SHISA9: variants seen among roughly 807,000 people sequenced by gnomAD.
SHISA9 encodes protein shisa-9.
A neutral mutation model predicts 38.0 loss-of-function variants in SHISA9; 13 were observed. The ratio of observed to expected loss-of-function variants is 0.34; its 90% confidence interval spans 0.22 to 0.54. The LOEUF (loss-of-function observed/expected upper bound fraction) is 0.54. Among genes scored for constraint, SHISA9 ranks in the 20% least tolerant of loss-of-function variants. The pLI is 0.91. For synonymous variants in SHISA9, 275 were observed against 242.0 expected (o/e 1.14, Z -1.27); for missense variants, 538 against 575.8 (o/e 0.93, Z 0.67).
At chr16:12,953,389 C>G (rs531321985) in intron 2 of SHISA9, among the ~76,000 whole-genome samples, 247 of 152,230 alleles carry the variant, frequency 1.6e-3, no homozygotes, top group African/African-American at 5.7e-3. Context: ...AGATGAGAAC[C>G]TGAGGCACAG....
intron 2 of SHISA9, among the ~76,000 whole-genome samples, chr16:13,176,882 C>A (rs1436693082): frequency 6.6e-6 from 1 of 152,098 alleles, no homozygotes; most frequent in Non-Finnish European, 1.5e-5. Context: ...AATGTTGAGA[C>A]AATAATGAAG....
intron 2 of SHISA9, among the ~76,000 whole-genome samples, chr16:13,200,745 GT>G (rs1475043169): frequency 7.4e-6 from 1 of 135,318 alleles, no homozygotes; most frequent in Non-Finnish European, 1.6e-5. Flanking sequence ...CTCTCCAGAC[GT>G]TGGCCAAAGA....
the SHISA9 span, among the ~76,000 whole-genome samples, chr16:13,346,537 A>G: frequency 1.3e-5 from 2 of 152,300 alleles, no homozygotes; most frequent in Admixed American, 6.5e-5. Context: ...GGCTTTCACA[A>G]AGGATGTCAA....
At position 13,181,247 on chromosome 16, in the gene SHISA9, G is replaced by A. The variant is rs560240986; in HGVS notation, c.692-22147G>A. ...TATATGGGAGATTAGGCCCAAGAAA[G>A]TCTTTCCTAAAATAAAATTTTATAT... is the stretch of plus-strand genomic sequence containing the variant. On this transcript the variant is annotated intron_variant, in intron 2 of 4. Coordinates refer to ENST00000558583, the MANE Select transcript of SHISA9 (RefSeq NM_001145204.3). Among the ~76,000 whole-genome samples, 1,289 of 138,912 alleles carry A rather than the reference G, an allele frequency of 9.3e-3. 30 individuals carry two copies. Among genetic ancestry groups the A allele is most frequent in the African/African-American group, 0.032 (1,219 of 38,054 alleles). The allele number at this position is 138,912 out of a possible 152,430, so 91.1% of individuals were successfully genotyped here. A position where few individuals can be genotyped will look rare whatever the true frequency, so the allele number is the denominator to read the frequency against.
At chr16:13,347,021 TC>T in the SHISA9 span, among the ~76,000 whole-genome samples, 1 of 152,222 alleles carries the variant, frequency 6.6e-6, no homozygotes, top group Non-Finnish European at 1.5e-5. Context: ...TTTCTGGCCA[TC>T]TTTTATGCTC....
chr16:13,141,893 C>T (rs1038852296), intron 2 of SHISA9, among the ~76,000 whole-genome samples: 1 of 152,158 alleles, frequency 6.6e-6, no homozygotes, highest in African/African-American at 2.4e-5. Context: ...CTCCCTTTAC[C>T]TCCTCCATCC....
At chr16:13,012,783 G>A (rs1258872521) in intron 2 of SHISA9, among the ~76,000 whole-genome samples, 1 of 152,132 alleles carries the variant, frequency 6.6e-6, no homozygotes, top group African/African-American at 2.4e-5. Flanking sequence ...CATTACTGCT[G>A]CCTTGCCACA....
intron 2 of SHISA9, among the ~76,000 whole-genome samples, chr16:13,135,781 A>C (rs2050343590): frequency 6.6e-6 from 1 of 152,232 alleles, no homozygotes; most frequent in African/African-American, 2.4e-5. Context: ...GGGCCAGCAA[A>C]AGGAAACAAA....
rs181234687 is a variant in SHISA9, at chr16:12,930,780, T to C, written c.691+13965T>C. Among the ~76,000 whole-genome samples, 21 of 152,302 alleles carry C rather than the reference T, an allele frequency of 1.4e-4. No homozygotes were observed. The East Asian group carries it at 2.7e-3, about 20-fold the overall frequency. The stretch of plus-strand genomic sequence containing the variant: ...CAGACTATTAAATCTCTAACAGTTA[T>C]GTTTCACATTTAACTATTATTTTTA... On this transcript the variant is annotated intron_variant, in intron 2 of 4. Coordinates refer to ENST00000558583, the MANE Select transcript of SHISA9 (RefSeq NM_001145204.3).
chr16:13,526,082 A>G, the SHISA9 span, among the ~76,000 whole-genome samples: 3 of 152,200 alleles, frequency 2.0e-5, no homozygotes, highest in Non-Finnish European at 4.4e-5. Context: ...TTCCTAATAC[A>G]CTTTGATACC....
At chr16:13,101,621 C>T (rs920744803) in intron 2 of SHISA9, among the ~76,000 whole-genome samples, 3 of 152,202 alleles carry the variant, frequency 2.0e-5, no homozygotes, top group African/African-American at 7.2e-5. Flanking sequence ...ATATTTCACA[C>T]TGTTCCTTTG....
chr16:13,015,981 CTTCCCTTCTT>C (rs2072751248), intron 2 of SHISA9, among the ~76,000 whole-genome samples: 2 of 56,876 alleles, frequency 3.5e-5, no homozygotes, highest in African/African-American at 6.1e-5. Flanking sequence ...CTTCCCTTCC[CTTCCCTTCTT>C]TTCTTTTCTT....
At chr16:13,327,161 G>A in the SHISA9 span, among the ~76,000 whole-genome samples, 4 of 152,086 alleles carry the variant, frequency 2.6e-5, no homozygotes, top group African/African-American at 7.2e-5. Context: ...CTTTTTTAAC[G>A]TACCAAGCCA....
intron 2 of SHISA9, among the ~76,000 whole-genome samples, chr16:12,917,270 G>T (rs2071270711): frequency 3.3e-5 from 5 of 152,180 alleles, no homozygotes; most frequent in Admixed American, 3.3e-4. Context: ...TTTCAATTAT[G>T]AAATACTAGT....
the SHISA9 span, among the ~76,000 whole-genome samples, chr16:13,301,063 G>A: frequency 2.6e-5 from 4 of 151,618 alleles, no homozygotes; most frequent in South Asian, 2.1e-4. Context: ...TCAAAAATGC[G>A]GATTCACCCT....
the SHISA9 span, among the ~76,000 whole-genome samples, chr16:13,377,969 G>A: frequency 6.6e-6 from 1 of 152,196 alleles, no homozygotes; most frequent in Non-Finnish European, 1.5e-5. Context: ...GAAGGCGGAG[G>A]TGGCAGTGAG....
chr16:12,970,298 C>A (rs1322397108), intron 2 of SHISA9, among the ~76,000 whole-genome samples: 2 of 133,080 alleles, frequency 1.5e-5, no homozygotes, highest in African/African-American at 2.9e-5. Flanking sequence ...TGAAAGTGGA[C>A]CCCTATCTCT....
At chr16:12,979,743 C>A (rs2072215928) in intron 2 of SHISA9, among the ~76,000 whole-genome samples, 1 of 152,036 alleles carries the variant, frequency 6.6e-6, no homozygotes, top group Non-Finnish European at 1.5e-5. Context: ...GTTTTGACTG[C>A]TGTTTATCCA....
chr16:13,057,146 G>A (rs1488269909), intron 2 of SHISA9, among the ~76,000 whole-genome samples: 4 of 152,224 alleles, frequency 2.6e-5, no homozygotes, highest in Non-Finnish European at 5.9e-5. Context: ...CCTGGGGCTG[G>A]AGGGTTGTAC....
Sources: allele counts gnomAD v4.1 joint callset (sites outside exome capture counted in the v4.1 genomes callset), GRCh38; gene constraint gnomAD v4.1.1; transcripts MANE v1.5; gene names NCBI Gene and HGNC (gene_info 2026-07-23, HGNC 2026-07-21).